The following ABLIM2 variants were observed in gnomAD, a reference collection of about 807,000 sequenced individuals.
ABLIM2 encodes the protein actin-binding LIM protein 2.
A neutral mutation model predicts 97.7 loss-of-function variants in ABLIM2; 53 were observed. That is an observed-to-expected ratio of 0.54 (90% CI 0.44 to 0.68). The LOEUF is 0.68. Ranked by LOEUF, ABLIM2 falls within the 30% of genes least tolerant of loss-of-function variation. ABLIM2 has a pLI of 0.00. For synonymous variants in ABLIM2, 361 were observed against 345.8 expected (o/e 1.04, Z -0.49); for missense variants, 835 against 867.2 (o/e 0.96, Z 0.47).
At chr4:8,057,057 T>C (rs1799708790) in intron 7 of ABLIM2, among the ~76,000 whole-genome samples, 2 of 149,712 alleles carry the variant, frequency 1.3e-5, no homozygotes, top group Admixed American at 1.3e-4. Flanking sequence ...TCTACTCCTC[T>C]CCTGATCTTT....
chr4:8,080,423 A>G (rs563330023), intron 5 of ABLIM2, among the ~76,000 whole-genome samples: 1 of 152,258 alleles, frequency 6.6e-6, no homozygotes, highest in Non-Finnish European at 1.5e-5. Flanking sequence ...TTCTCATCCA[A>G]AAAAAGGAGC....
At chr4:8,080,537 G>T in intron 5 of ABLIM2, 139 bp downstream of exon 5, 1 of 1,017,468 alleles carries the variant, frequency 9.8e-7, no homozygotes, top group Non-Finnish European at 1.3e-6. Flanking sequence ...TTCTCACCCA[G>T]CAGCAGGGCA....
intron 3 of ABLIM2, among the ~76,000 whole-genome samples, chr4:8,094,134 C>A (rs896611373): frequency 6.6e-6 from 1 of 152,278 alleles, no homozygotes; most frequent in East Asian, 1.9e-4. Context: ...TTTTCCACTT[C>A]GGCCATTGTA....
chr4:7,995,081 A>G (rs1307016655), intron 16 of ABLIM2, among the ~76,000 whole-genome samples: 1 of 60,716 alleles, frequency 1.6e-5, no homozygotes, highest in Non-Finnish European at 5.3e-5. Context: ...AGAAATGCTC[A>G]TCATCACTGG....
chr4:8,030,508 G>A (rs993858194), intron 10 of ABLIM2, among the ~76,000 whole-genome samples: 7 of 152,182 alleles, frequency 4.6e-5, no homozygotes, highest in South Asian at 2.1e-4. Context: ...AGGAATTCCC[G>A]GTCTGGGCCC....
At chr4:7,991,708 G>A (rs1188741988) in intron 17 of ABLIM2, among the ~76,000 whole-genome samples, 1 of 152,212 alleles carries the variant, frequency 6.6e-6, no homozygotes, top group Non-Finnish European at 1.5e-5. Context: ...CGTGGGGTGA[G>A]GGGTGTGGTT....
rs2152471292 is a variant in ABLIM2 at position 8,083,761 on chromosome 4, G to C, written c.455-2959C>G. ...CAGGATGTCCCTAGCAGGGCAGAAG[G>C]GGCCCCAGGACCCCCCAATGTCAGC... On this transcript the variant is annotated intron_variant, in intron 4 of 20. Transcript: ENST00000447017. This position sits in a 1 kb window ranked among gnomAD's most constrained non-coding sequence, Gnocchi z 4.6. Among the ~76,000 whole-genome samples, 1 of 152,308 alleles carries C rather than the reference G, an allele frequency of 6.6e-6. No individual in the cohort carries two copies. Among genetic ancestry groups the C allele is most frequent in the Non-Finnish European group, 1.5e-5 (1 of 68,018 alleles).
At chr4:8,007,945 A>C (rs1762488100) in intron 16 of ABLIM2, 114 bp downstream of exon 16, 2 of 1,499,204 alleles carry the variant, frequency 1.3e-6, no homozygotes, top group Admixed American at 2.2e-5. Context: ...CTTTGCTTTC[A>C]TGCTTTTTAA....
At chr4:8,134,074 A>G (rs1359992460) in intron 1 of ABLIM2, among the ~76,000 whole-genome samples, 1 of 152,202 alleles carries the variant, frequency 6.6e-6, no homozygotes, top group East Asian at 1.9e-4. Context: ...GATGGGCCTC[A>G]TGAGGACAGG....
chr4:8,029,270 AT>A (rs1409218059), intron 11 of ABLIM2, among the ~76,000 whole-genome samples: 3 of 152,160 alleles, frequency 2.0e-5, no homozygotes, highest in African/African-American at 7.2e-5. Context: ...CGAGACCCAC[AT>A]GAGCTTGCAG....
intron 1 of ABLIM2, among the ~76,000 whole-genome samples, chr4:8,129,571 C>T (rs1381019970): frequency 3.3e-5 from 5 of 152,146 alleles, no homozygotes; most frequent in Admixed American, 1.3e-4. Flanking sequence ...GGGAGAAATC[C>T]GGGGCACAGA....
chr4:8,076,738 G>C (rs1215149423), intron 6 of ABLIM2, among the ~76,000 whole-genome samples: 1 of 147,556 alleles, frequency 6.8e-6, no homozygotes, highest in African/African-American at 2.5e-5. Context: ...TGCAGGGTTG[G>C]GGGGGGTCTG....
At chr4:8,018,058 G>T (rs1020865933) in intron 14 of ABLIM2, among the ~76,000 whole-genome samples, 4 of 151,906 alleles carry the variant, frequency 2.6e-5, no homozygotes, top group Non-Finnish European at 5.9e-5. Flanking sequence ...CCACTGGATG[G>T]TTCAGGTAAA....
Position 7,996,013 on chromosome 4 carries a change from C to A in ABLIM2, c.1619-3086G>T, listed in dbSNP as rs145744420. Among the ~76,000 whole-genome samples, 1 of 152,256 alleles carries A rather than the reference C, an allele frequency of 6.6e-6. No homozygotes were observed. Among genetic ancestry groups the A allele is most frequent in the Non-Finnish European group, 1.5e-5 (1 of 67,996 alleles). On this transcript the variant is annotated intron_variant, in intron 16 of 20. Transcript: ENST00000447017. This position sits in a 1 kb window ranked among gnomAD's most constrained non-coding sequence, Gnocchi z 4.5. ...GCCTCCTGCCTTGCAGTCCTGGGGT[C>A]CTCCAGGAGACACCTTCCTCCTCCT... is the stretch of plus-strand genomic sequence containing the variant.
Position 8,075,811 on chromosome 4 carries a change from G to A in ABLIM2, c.675+1817C>T, listed in dbSNP as rs905048991. ...TACCAAAAGAAGAAATGCTTATGGG[G>A]AGTTTATAATAAACTGGAAATCTGC... On this transcript the variant is annotated intron_variant, in intron 6 of 20. Coordinates refer to ENST00000447017, the MANE Select transcript of ABLIM2 (RefSeq NM_001130083.2). This position sits in a 1 kb window ranked among gnomAD's most constrained non-coding sequence, Gnocchi z 4.4. Among the ~76,000 whole-genome samples the A allele has an allele frequency of 2.0e-5, 3 of 152,220 alleles. No homozygotes were observed. The highest frequency in any genetic ancestry group is 4.4e-5 in the Non-Finnish European group (3 of 68,044).
chr4:8,151,145 G>A (rs9992602), intron 1 of ABLIM2, among the ~76,000 whole-genome samples: 1 of 152,174 alleles, frequency 6.6e-6, no homozygotes. Flanking sequence ...AGCAAGTGAC[G>A]ATTGGGGCTG....
Position 8,021,638 on chromosome 4 carries a change from C to CA in ABLIM2, c.1268-1336dup, listed in dbSNP as rs1773810292. ...GAAGGTGGACTGGCCAGGGACCCCA[C>CA]AGTGGACTCGTGAGGAGGGCTCGAC... is the stretch of plus-strand genomic sequence containing the variant. On this transcript the variant is annotated intron_variant, in intron 12 of 20. Coordinates refer to ENST00000447017, the MANE Select transcript of ABLIM2 (RefSeq NM_001130083.2). The surrounding 1 kb of genome is among the most constrained non-coding windows in gnomAD (Gnocchi z 5.5). Among the ~76,000 whole-genome samples, 1 of 152,252 alleles carries CA rather than the reference C, an allele frequency of 6.6e-6. No individual in the cohort carries two copies.
intron 8 of ABLIM2, among the ~76,000 whole-genome samples, chr4:8,053,720 G>A (rs929818623): frequency 1.3e-5 from 2 of 152,110 alleles, no homozygotes; most frequent in Admixed American, 6.5e-5. Flanking sequence ...GGGGCGTTTG[G>A]GAAGTGACTG....
intron 8 of ABLIM2, among the ~76,000 whole-genome samples, chr4:8,052,778 C>A (rs1289610415): frequency 6.6e-6 from 1 of 152,266 alleles, no homozygotes; most frequent in Non-Finnish European, 1.5e-5. Context: ...ATCAGACACT[C>A]TGAATGCCCC....
Sources: gnomAD v4.1 joint callset for allele counts (sites outside exome capture counted in the v4.1 genomes callset) on GRCh38, gnomAD v4.1.1 for gene constraint, Gnocchi (gnomAD v3.1) non-coding constraint, MANE v1.5 for transcripts, NCBI Gene and HGNC (gene_info 2026-07-23, HGNC 2026-07-21) for gene names.